The following SLC24A3 variants were observed in gnomAD, a reference collection of about 807,000 sequenced individuals.
SLC24A3 encodes the protein solute carrier family 24 member 3, also known as sodium/potassium/calcium exchanger 3.
SLC24A3 carries 28 observed loss-of-function variants against 75.8 expected under a neutral mutation model. That is an observed-to-expected ratio of 0.37 (90% confidence interval 0.27 to 0.51). SLC24A3 has a LOEUF of 0.51. SLC24A3 is among the 20% of genes least tolerant of loss of function. The pLI, the probability that SLC24A3 is intolerant of heterozygous loss-of-function variation, is 0.94. For synonymous variants in SLC24A3, 372 were observed against 334.1 expected (o/e 1.11, Z -1.24); for missense variants, 663 against 847.8 (o/e 0.78, Z 2.71).
chr20:19,572,096 G>A (rs1160226453), intron 3 of SLC24A3, among the ~76,000 whole-genome samples: 1 of 152,216 alleles, frequency 6.6e-6, no homozygotes, highest in Non-Finnish European at 1.5e-5. Flanking sequence ...CAGCAACTCA[G>A]AAGGCTGAGA....
chr20:19,382,883 G>A (rs551527122), intron 2 of SLC24A3, among the ~76,000 whole-genome samples: 4 of 152,264 alleles, frequency 2.6e-5, no homozygotes, highest in African/African-American at 9.6e-5. Context: ...GCCGCCCCAT[G>A]TCTCTACGGC....
At chr20:19,634,881 CA>C (rs1327452815) in intron 6 of SLC24A3, among the ~76,000 whole-genome samples, 1 of 151,992 alleles carries the variant, frequency 6.6e-6, no homozygotes, top group Non-Finnish European at 1.5e-5. Context: ...AATGATACCG[CA>C]AAAATTTTAT....
intron 2 of SLC24A3, among the ~76,000 whole-genome samples, chr20:19,331,395 G>T (rs1984996586): frequency 6.6e-6 from 1 of 152,164 alleles, no homozygotes; most frequent in Non-Finnish European, 1.5e-5. Context: ...TAGGTAGATA[G>T]AGTAGATATG....
chr20:19,521,921 G>A (rs917413896), intron 3 of SLC24A3, among the ~76,000 whole-genome samples: 1 of 146,884 alleles, frequency 6.8e-6, no homozygotes, highest in African/African-American at 2.5e-5. Context: ...ACTCCCAGGG[G>A]TATTTTTTTT....
chr20:19,300,641 G>T (rs986035953), intron 2 of SLC24A3, among the ~76,000 whole-genome samples: 14 of 152,110 alleles, frequency 9.2e-5, no homozygotes, highest in Admixed American at 8.5e-4. Context: ...GGCTCATAAA[G>T]GATCTCCACT....
intron 2 of SLC24A3, among the ~76,000 whole-genome samples, chr20:19,382,270 A>G (rs866782984): frequency 2.2e-4 from 34 of 152,362 alleles, no homozygotes; most frequent in African/African-American, 7.9e-4. Context: ...TGCAAAAACC[A>G]GCGTGATAGT....
intron 12 of SLC24A3, among the ~76,000 whole-genome samples, chr20:19,688,319 C>T (rs542373939): frequency 6.6e-6 from 1 of 152,346 alleles, no homozygotes; most frequent in African/African-American, 2.4e-5. Flanking sequence ...CCCAGTTCTT[C>T]TAAGATGCGG....
chr20:19,237,221 G>T (rs1212419708), intron 1 of SLC24A3, among the ~76,000 whole-genome samples: 1 of 152,178 alleles, frequency 6.6e-6, no homozygotes, highest in East Asian at 1.9e-4. Context: ...GCCATGGAAA[G>T]AGAAGTTGGG....
intron 2 of SLC24A3, among the ~76,000 whole-genome samples, chr20:19,320,547 G>GTC (rs376934267): frequency 4.6e-5 from 7 of 151,550 alleles, no homozygotes; most frequent in African/African-American, 9.7e-5. Context: ...CATCTGCTTG[G>GTC]TCTCTCTCTC....
At chr20:19,688,848 CATA>C (rs1381385646) in intron 12 of SLC24A3, among the ~76,000 whole-genome samples, 13 of 152,036 alleles carry the variant, frequency 8.6e-5, no homozygotes, top group African/African-American at 3.1e-4. Context: ...ATTGATATAA[CATA>C]GTGTTAACAT....
At chr20:19,568,657 T>A (rs2031000590) in intron 3 of SLC24A3, among the ~76,000 whole-genome samples, 1 of 152,088 alleles carries the variant, frequency 6.6e-6, no homozygotes, top group Non-Finnish European at 1.5e-5. Context: ...TCTGGGAAAA[T>A]GAGAAAAGCT....
chr20:19,316,285 G>C lies in SLC24A3; in HGVS notation c.271+35198G>C, dbSNP rs796088470. On this transcript the variant is annotated intron_variant, in intron 2 of 16. Coordinates refer to ENST00000328041, the MANE Select transcript of SLC24A3 (RefSeq NM_020689.4). ...AAGTGGGGGTTTGAGCAAAGACAAG[G>C]CTGCACAGTTCCTACCTCTTGGTGC... is the stretch of plus-strand genomic sequence containing the variant. 7.9e-5 allele frequency among the ~76,000 whole-genome samples: 12 copies of C among 152,326 alleles called. 1 individual carries two copies. Among genetic ancestry groups the C allele is most frequent in the African/African-American group, 2.9e-4 (12 of 41,568 alleles).
intron 6 of SLC24A3, among the ~76,000 whole-genome samples, chr20:19,636,065 G>C (rs148163609): frequency 2.0e-5 from 3 of 152,254 alleles, no homozygotes; most frequent in Middle Eastern, 6.8e-3. Context: ...GCATGAACCC[G>C]GGAGGCAGAG....
chr20:19,610,157 C>T (rs1290122751), intron 6 of SLC24A3, among the ~76,000 whole-genome samples: 1 of 152,146 alleles, frequency 6.6e-6, no homozygotes, highest in Non-Finnish European at 1.5e-5. Context: ...CGGCTTTCTT[C>T]TTCTCCTTTT....
At chr20:19,528,868 T>G (rs920147354) in intron 3 of SLC24A3, among the ~76,000 whole-genome samples, 1 of 152,198 alleles carries the variant, frequency 6.6e-6, no homozygotes, top group African/African-American at 2.4e-5. Context: ...GTTTGACTGA[T>G]TGTGGGCCTC....
intron 1 of SLC24A3, among the ~76,000 whole-genome samples, chr20:19,239,438 C>T (rs935988818): frequency 3.3e-5 from 5 of 152,190 alleles, no homozygotes; most frequent in Admixed American, 6.5e-5. Flanking sequence ...GAACAGGGCT[C>T]GCTGCTCACC....
intron 2 of SLC24A3, among the ~76,000 whole-genome samples, chr20:19,438,991 A>C (rs959821568): frequency 6.6e-6 from 1 of 152,326 alleles, no homozygotes; most frequent in South Asian, 2.1e-4. Flanking sequence ...ACAAGTGCAT[A>C]CCCGGGGGAA....
intron 2 of SLC24A3, among the ~76,000 whole-genome samples, chr20:19,366,091 T>C (rs1262673685): frequency 6.6e-6 from 1 of 152,120 alleles, no homozygotes; most frequent in Non-Finnish European, 1.5e-5. Flanking sequence ...TGCCCCATGA[T>C]CTTTTCTTAC....
chr20:19,254,575 C>T lies in SLC24A3; in HGVS notation c.143-26384C>T, dbSNP rs147025432. On this transcript the variant is annotated intron_variant, in intron 1 of 16. Transcript: ENST00000328041. ...AGACCCTTGTGGCTTATATAACACG[C>T]GTGATGACAAGTAATGATAACTCAC... is the stretch of plus-strand genomic sequence containing the variant. Among the ~76,000 whole-genome samples, 300 of 152,246 alleles carry T rather than the reference C, an allele frequency of 2.0e-3. 2 individuals are homozygous for T. Among genetic ancestry groups the T allele is most frequent in the African/African-American group, 7.0e-3 (291 of 41,548 alleles).
Sources: gnomAD v4.1 joint callset for allele counts (sites outside exome capture counted in the v4.1 genomes callset) on GRCh38, gnomAD v4.1.1 for gene constraint, MANE v1.5 for transcripts, NCBI Gene and HGNC (gene_info 2026-07-23, HGNC 2026-07-21) for gene names.